THSD7B: variants seen among roughly 807,000 people sequenced by gnomAD.
THSD7B encodes the protein thrombospondin type-1 domain-containing protein 7B.
Under a neutral mutation model 213.6 loss-of-function variants are expected in THSD7B, and 138 were observed. The observed-to-expected ratio is 0.65, with a 90% CI of 0.56 to 0.74. The LOEUF (loss-of-function observed/expected upper bound fraction) is 0.74. Ranked by LOEUF, THSD7B falls within the 30% of genes least tolerant of loss-of-function variation. THSD7B has a pLI of 0.00. For missense variants in THSD7B, 1,931 were observed against 1,991.5 expected (o/e 0.97, Z 0.58); for synonymous variants, 742 against 687.0 (o/e 1.08, Z -1.25).
chr2:137,006,416 A>G (rs1025031256), intron 2 of THSD7B, among the ~76,000 whole-genome samples: 8 of 151,650 alleles, frequency 5.3e-5, no homozygotes, highest in African/African-American at 1.9e-4. Flanking sequence ...ACATACATAC[A>G]TACATACATA....
chr2:137,075,948 T>G (rs1687612682), intron 3 of THSD7B, among the ~76,000 whole-genome samples: 1 of 152,080 alleles, frequency 6.6e-6, no homozygotes, highest in Admixed American at 6.5e-5. Context: ...CCTCTGGAAG[T>G]TTTGTCTCAG....
At chr2:137,060,051 T>G (rs1687242888) in intron 3 of THSD7B, among the ~76,000 whole-genome samples, 1 of 152,098 alleles carries the variant, frequency 6.6e-6, no homozygotes, top group Non-Finnish European at 1.5e-5. Context: ...TATTTTGGAG[T>G]TTTGCCATTC....
At chr2:137,240,004 A>G (rs10928602) in intron 9 of THSD7B, among the ~76,000 whole-genome samples, 55,828 of 152,036 alleles carry the variant, frequency 0.37, 10,433 homozygotes, top group East Asian at 0.48. Context: ...GATGCCATTC[A>G]TGAGAGCTCC....
chr2:136,909,619 C>T (rs1684224989), intron 2 of THSD7B, among the ~76,000 whole-genome samples: 1 of 152,042 alleles, frequency 6.6e-6, no homozygotes, highest in South Asian at 2.1e-4. Context: ...TATATTTATC[C>T]AAGAAACACA....
chr2:137,575,412 A>G (rs573041184), intron 17 of THSD7B, among the ~76,000 whole-genome samples: 1 of 152,180 alleles, frequency 6.6e-6, no homozygotes. Context: ...TAGAAATAAA[A>G]TGTCACCTCC....
intron 12 of THSD7B, among the ~76,000 whole-genome samples, chr2:137,315,930 C>T (rs6749316): frequency 0.39 from 58,638 of 152,036 alleles, 11,768 homozygotes; most frequent in Non-Finnish European, 0.44. Context: ...ACCTAGTATG[C>T]TATTTTTTTC....
chr2:137,560,463 GA>G (rs967855311), intron 15 of THSD7B, among the ~76,000 whole-genome samples: 1 of 151,896 alleles, frequency 6.6e-6, no homozygotes, highest in Admixed American at 6.6e-5. Flanking sequence ...ATCTCAAGGA[GA>G]AAAAACCAAA....
intron 17 of THSD7B, among the ~76,000 whole-genome samples, chr2:137,601,338 C>A (rs970983679): frequency 3.3e-5 from 5 of 152,136 alleles, no homozygotes; most frequent in African/African-American, 1.2e-4. Context: ...TGCTAAGTGA[C>A]CTATAGAGGT....
intron 2 of THSD7B, among the ~76,000 whole-genome samples, chr2:136,890,703 C>T (rs1292682629): frequency 6.6e-6 from 1 of 150,420 alleles, no homozygotes; most frequent in East Asian, 2.0e-4. Context: ...ACATGCCAGG[C>T]TAAGTTTTTG....
At chr2:137,518,193 A>T (rs1680110611) in intron 15 of THSD7B, among the ~76,000 whole-genome samples, 1 of 152,118 alleles carries the variant, frequency 6.6e-6, no homozygotes, top group South Asian at 2.1e-4. Flanking sequence ...GCCTGCACTG[A>T]TGGCCTCATG....
chr2:136,875,579 T>C lies in THSD7B; in HGVS notation c.-35-6565T>C, dbSNP rs563244525. ...GATTGTTTTGGTCAAGATCAGTTTT[T>C]GGTTTCTTATTGGCACTAGGCCTTG... On this transcript the variant is annotated intron_variant, in intron 1 of 27. Coordinates refer to ENST00000409968, the MANE Select transcript of THSD7B (RefSeq NM_001316349.2). Among the ~76,000 whole-genome samples the C allele has an allele frequency of 9.8e-5, 15 of 152,332 alleles. No individual in the cohort carries two copies. In the East Asian group the frequency reaches 2.7e-3, roughly 27 times the overall value.
intron 17 of THSD7B, among the ~76,000 whole-genome samples, chr2:137,587,223 A>C (rs1472878635): frequency 6.6e-6 from 1 of 152,086 alleles, no homozygotes. Context: ...TGGTTATTCT[A>C]GTTAGCCATT....
rs1478079898 is a variant in THSD7B at position 137,272,250 on chromosome 2, C to A, written c.2267-283C>A. On this transcript the variant is annotated intron_variant, in intron 10 of 27. Transcript: ENST00000409968. ...GGTTTCTGGGGCCCCTTCGATCATG[C>A]CATAAAACTTTTATGCCATTGGTAA... 2.0e-5 allele frequency among the ~76,000 whole-genome samples: 3 copies of A among 152,106 alleles called. No homozygotes were observed. The East Asian group carries it at 5.8e-4, about 29-fold the overall frequency.
chr2:137,534,941 A>G (rs984669328), intron 15 of THSD7B, among the ~76,000 whole-genome samples: 7 of 151,818 alleles, frequency 4.6e-5, no homozygotes, highest in Non-Finnish European at 1.0e-4. Context: ...TCCTCCTATA[A>G]TTGAAACTTG....
chr2:137,198,111 C>A (rs1263436929), intron 7 of THSD7B, among the ~76,000 whole-genome samples: 1 of 152,062 alleles, frequency 6.6e-6, no homozygotes, highest in Non-Finnish European at 1.5e-5. Context: ...TACATCTTTA[C>A]CAAAGGATAA....
rs184912699 is a variant in THSD7B, at chr2:137,089,497, A to G, written c.951-5376A>G. On this transcript the variant is annotated intron_variant, in intron 3 of 27. Transcript: ENST00000409968. ...CTCAGCCATAAAAAGGAATGAATTAATGGCATTCACAGTGACCTGGATGAG... is the reference window on the plus strand; with the variant it reads ...CTCAGCCATAAAAAGGAATGAATTAGTGGCATTCACAGTGACCTGGATGAG... Among the ~76,000 whole-genome samples, 212 of 151,916 alleles carry G rather than the reference A, an allele frequency of 1.4e-3. 1 individual carries two copies. Among genetic ancestry groups the G allele is most frequent in the African/African-American group, 4.9e-3 (204 of 41,454 alleles).
At chr2:137,254,561 T>G (rs1390963761) in intron 10 of THSD7B, among the ~76,000 whole-genome samples, 1 of 152,232 alleles carries the variant, frequency 6.6e-6, no homozygotes, top group Non-Finnish European at 1.5e-5. Context: ...GAGCTTGACC[T>G]TTTTTAGAAT....
intron 2 of THSD7B, among the ~76,000 whole-genome samples, chr2:136,997,440 A>G (rs935114549): frequency 3.3e-5 from 5 of 152,230 alleles, no homozygotes; most frequent in Admixed American, 6.5e-5. Context: ...GGATACTGTC[A>G]TATCCTAGAA....
At chr2:137,602,180 G>T (rs1407157192) in intron 17 of THSD7B, among the ~76,000 whole-genome samples, 1 of 152,130 alleles carries the variant, frequency 6.6e-6, no homozygotes, top group African/African-American at 2.4e-5. Flanking sequence ...GTGTTGTTCT[G>T]TTTTGTGGTG....
Sources: gnomAD v4.1 joint callset for allele counts (sites outside exome capture counted in the v4.1 genomes callset) on GRCh38, gnomAD v4.1.1 for gene constraint, MANE v1.5 for transcripts, NCBI Gene and HGNC (gene_info 2026-07-23, HGNC 2026-07-21) for gene names.